The following RAPGEF6 variants were observed in gnomAD, a reference collection of about 807,000 sequenced individuals.
RAPGEF6 encodes PDZ domain containing guanine nucleotide exchange factor (GEF) 2.
In RAPGEF6, 56 loss-of-function variants were observed where a neutral mutation model predicts 171.4. That is an observed-to-expected ratio of 0.33 (90% CI 0.26 to 0.41). The LOEUF is 0.41. Ranked by LOEUF, RAPGEF6 falls within the 10% of genes least tolerant of loss-of-function variation. The probability of loss-of-function intolerance (pLI) is 1.00; values close to 1 mark genes in which losing one functional copy is unlikely to be tolerated. For missense variants in RAPGEF6, 1,674 were observed against 1,921.4 expected (o/e 0.87, Z 2.41); for synonymous variants, 692 against 650.1 (o/e 1.06, Z -0.98).
chr5:131,433,325 C>T (rs1320004434), intron 25 of RAPGEF6, 105 bp downstream of exon 25: 4 of 878,426 alleles, frequency 4.6e-6, no homozygotes, highest in South Asian at 3.0e-5. Flanking sequence ...TTATGGATAA[C>T]TCTGCAATTA....
At chr5:131,556,239 A>G (rs1487063537) in intron 5 of RAPGEF6, among the ~76,000 whole-genome samples, 1 of 152,162 alleles carries the variant, frequency 6.6e-6, no homozygotes, top group African/African-American at 2.4e-5. Context: ...CAGGAGTTTG[A>G]GGCTAGCCTG....
chr5:131,511,507 G>A (rs1171414148), intron 7 of RAPGEF6, among the ~76,000 whole-genome samples: 1 of 45,424 alleles, frequency 2.2e-5, no homozygotes. Context: ...TCTTTTTTTT[G>A]AGACAGGTTC....
intron 8 of RAPGEF6, among the ~76,000 whole-genome samples, chr5:131,509,939 ACTTAGGGGGAAGCCTAAGTTCCC>A (rs1183065121): frequency 6.6e-6 from 1 of 152,204 alleles, no homozygotes; most frequent in African/African-American, 2.4e-5. Context: ...TGGATTACTT[ACTTAGGGGGAAGCCTAAGTTCCC>A]CTTAAGTATG....
At chr5:131,629,762 GA>G (rs552627684) in intron 1 of RAPGEF6, among the ~76,000 whole-genome samples, 253 of 47,660 alleles carry the variant, frequency 5.3e-3, no homozygotes, top group South Asian at 0.015. Flanking sequence ...CAAAGAAAAA[GA>G]AAAAAAAAAA....
chr5:131,537,603 G>T (rs1461365600), intron 6 of RAPGEF6, among the ~76,000 whole-genome samples: 1 of 152,060 alleles, frequency 6.6e-6, no homozygotes, highest in Non-Finnish European at 1.5e-5. Context: ...TGAAAGTAAT[G>T]TTTTGGAAAA....
chr5:131,527,545 A>T (rs1390268709), intron 6 of RAPGEF6, among the ~76,000 whole-genome samples: 1 of 152,186 alleles, frequency 6.6e-6, no homozygotes, highest in East Asian at 1.9e-4. Context: ...GGCTACATTT[A>T]AAATGTATAT....
intron 16 of RAPGEF6, 71 bp from the exon 17 acceptor site, chr5:131,472,815 G>T (rs1460001451): frequency 7.5e-7 from 1 of 1,327,706 alleles, no homozygotes; most frequent in Non-Finnish European, 1.1e-6. Context: ...TCTGTTCCCT[G>T]TGCACTAAGG....
intron 16 of RAPGEF6, among the ~76,000 whole-genome samples, chr5:131,478,950 G>A (rs1027069283): frequency 5.2e-4 from 79 of 152,208 alleles, no homozygotes; most frequent in African/African-American, 1.9e-3. Flanking sequence ...AATTGCTTCA[G>A]GAAGCTGCTA....
chr5:131,548,347 A>T (rs1180634009), intron 5 of RAPGEF6, among the ~76,000 whole-genome samples, 157 bp from the exon 6 acceptor site: 1 of 152,224 alleles, frequency 6.6e-6, no homozygotes, highest in Admixed American at 6.5e-5. Flanking sequence ...CATGAGTTAA[A>T]GATTAGAGGT....
intron 4 of RAPGEF6, among the ~76,000 whole-genome samples, chr5:131,566,872 G>A (rs1319437743): frequency 6.6e-6 from 1 of 151,914 alleles, no homozygotes; most frequent in Admixed American, 6.6e-5. Context: ...ACTTTGGGAA[G>A]CCGAGGCAGG....
At position 131,437,037 on chromosome 5, in the gene RAPGEF6, C is replaced by T. The variant is rs78667643; in HGVS notation, c.3745+2544G>A. ...GTTTAATAAGAACCAGGAACAGATC[C>T]TAATAATTTACTCTGAGCATAATGA... On this transcript the variant is annotated intron_variant, in intron 24 of 27. Transcript: ENST00000509018. 2.5e-4 allele frequency among the ~76,000 whole-genome samples: 38 copies of T among 152,150 alleles called. No homozygotes were observed. In the East Asian group the frequency reaches 7.3e-3, roughly 29 times the overall value.
At chr5:131,434,052 CT>C (rs1751875041) in intron 24 of RAPGEF6, among the ~76,000 whole-genome samples, 1 of 152,118 alleles carries the variant, frequency 6.6e-6, no homozygotes, top group South Asian at 2.1e-4. Context: ...ACGCTCCTTC[CT>C]TTGATTAATA....
At chr5:131,449,136 C>A (rs1752901343) in intron 21 of RAPGEF6, among the ~76,000 whole-genome samples, 4 of 152,144 alleles carry the variant, frequency 2.6e-5, no homozygotes, top group Admixed American at 2.6e-4. Context: ...TATGCAATCC[C>A]TTCATCCACA....
At chr5:131,464,020 T>G in intron 18 of RAPGEF6, 21 bp downstream of exon 18, 1 of 1,544,900 alleles carries the variant, frequency 6.5e-7, no homozygotes, top group Non-Finnish European at 8.7e-7. Context: ...AATAAGCACA[T>G]CCACTAATAA....
intron 4 of RAPGEF6, among the ~76,000 whole-genome samples, chr5:131,570,602 T>G (rs966701583): frequency 3.9e-5 from 6 of 152,164 alleles, no homozygotes; most frequent in Non-Finnish European, 1.5e-5. Context: ...GTATCAACAA[T>G]TTAAAAAATG....
At position 131,607,665 on chromosome 5, in the gene RAPGEF6, G is replaced by A. The variant is rs186002223; in HGVS notation, c.70-2972C>T. On this transcript the variant is annotated intron_variant, in intron 1 of 27. Coordinates refer to ENST00000509018, the MANE Select transcript of RAPGEF6 (RefSeq NM_016340.6). ...TGCTGATTGGACAGAATGAATAAAA[G>A]AATAGGCTAGAGGTGACTGGTACCC... Among the ~76,000 whole-genome samples the A allele has an allele frequency of 1.5e-3, 224 of 152,276 alleles. 1 individual carries two copies. The highest frequency in any genetic ancestry group is 9.6e-4 in the Non-Finnish European group (65 of 68,026).
intron 11 of RAPGEF6, 142 bp from the exon 12 acceptor site, chr5:131,498,749 G>A: frequency 1.4e-6 from 1 of 738,880 alleles, no homozygotes; most frequent in Non-Finnish European, 2.2e-6. Flanking sequence ...CTTAGCGCTG[G>A]GAGAATTGGA....
At position 131,479,680 on chromosome 5, in the gene RAPGEF6, T is replaced by G; in HGVS notation, c.1914A>C (p.Lys638Asn). Residue 638 changes from lysine to asparagine, a missense_variant, in exon 16 of 28, where the codon AAA (lysine) becomes AAC (asparagine). Physicochemically the swap from Lys to Asn is moderately conservative, Grantham distance 94 (BLOSUM62 0). Coordinates refer to ENST00000509018, the MANE Select transcript of RAPGEF6 (RefSeq NM_016340.6). ...GVPHIPKIAE[K>N]KSNRHSIQHV... ...GCTGGATAGAATGGCGATTACTTTT[T>G]TTTTCAGCAATTTTGGGAATATGAG... The G allele has an allele frequency of 6.2e-7, 1 of 1,614,088 alleles. No individual in the cohort carries two copies. Among genetic ancestry groups the G allele is most frequent in the East Asian group, 2.2e-5 (1 of 44,864 alleles).
At position 131,430,905 on chromosome 5, in the gene RAPGEF6, G is replaced by C. The variant is rs779762756; in HGVS notation, c.4419C>G (p.Asp1473Glu). 1.4e-5 allele frequency: 22 copies of C among 1,611,898 alleles called. No homozygotes were observed. The Admixed American group carries it at 3.7e-4, about 27-fold the overall frequency. Residue 1473 changes from aspartate (D) to glutamate (E), a missense_variant, in exon 26 of 28, where the codon GAC (aspartate) becomes GAG (glutamate). By Grantham distance (45) the Asp-to-Glu change is conservative. This residue lies in a region of RAPGEF6 where 552 missense variants were observed against 574.2 expected (regional missense o/e 0.96). Transcript: ENST00000509018. ...TTGAAGTGACAGTTTTATAAACTGG[G>C]TCAGTGGCATCCTTGGGGTCCAAGC... ...SEGLDPKDAT[D>E]PVYKTVTSST...
Sources: gnomAD v4.1 joint callset for allele counts (sites outside exome capture counted in the v4.1 genomes callset) on GRCh38, gnomAD v4.1.1 for gene constraint, gnomAD v4.1.1 regional missense constraint, MANE v1.5 for transcripts, NCBI Gene and HGNC (gene_info 2026-07-23, HGNC 2026-07-21) for gene names.